MBNL2: variants seen among roughly 807,000 people sequenced by gnomAD.
MBNL2 encodes the protein muscleblind-like protein 2.
A neutral mutation model predicts 41.9 loss-of-function variants in MBNL2; 17 were observed. That is an observed-to-expected ratio of 0.41 (90% CI 0.28 to 0.61). MBNL2 has a LOEUF of 0.61. MBNL2 is among the 20% of genes least tolerant of loss of function. The pLI is 0.35. For synonymous variants in MBNL2, 195 were observed against 182.9 expected, an observed-to-expected ratio of 1.07 and a Z score of -0.53; for missense variants, 336 against 505.6, an observed-to-expected ratio of 0.66 and a Z score of 3.22.
At chr13:97,267,542 T>G (rs2050063292) in intron 1 of MBNL2, among the ~76,000 whole-genome samples, 1 of 152,144 alleles carries the variant, frequency 6.6e-6, no homozygotes, top group South Asian at 2.1e-4. Flanking sequence ...CTGGAGAGGA[T>G]GGGGCACTAC....
the MBNL2 span, among the ~76,000 whole-genome samples, chr13:97,180,247 G>C: frequency 2.6e-5 from 4 of 152,224 alleles, no homozygotes; most frequent in Admixed American, 2.0e-4. Context: ...GAAACTGATG[G>C]TGCCAGTCAC....
the MBNL2 span, among the ~76,000 whole-genome samples, chr13:97,209,300 C>A: frequency 6.4e-4 from 97 of 152,284 alleles, no homozygotes; most frequent in Non-Finnish European, 1.1e-3. Flanking sequence ...CTTTGCTCCA[C>A]TTTTAGGATT....
the MBNL2 span, among the ~76,000 whole-genome samples, chr13:97,207,522 T>C: frequency 2.6e-5 from 4 of 152,106 alleles, no homozygotes; most frequent in African/African-American, 9.7e-5. Context: ...AACCATCAGA[T>C]CTTGTGAGAC....
At chr13:97,177,339 T>A in the MBNL2 span, among the ~76,000 whole-genome samples, 1 of 151,930 alleles carries the variant, frequency 6.6e-6, no homozygotes, top group Non-Finnish European at 1.5e-5. Context: ...AGACTCTGTC[T>A]CCAAAGAAAA....
the MBNL2 span, among the ~76,000 whole-genome samples, chr13:97,167,977 T>A: frequency 2.6e-5 from 4 of 152,168 alleles, no homozygotes; most frequent in African/African-American, 7.2e-5. Flanking sequence ...ATATATATTT[T>A]TTTTTGAGAT....
At chr13:97,312,768 T>G (rs919770907) in intron 2 of MBNL2, among the ~76,000 whole-genome samples, 8 of 152,236 alleles carry the variant, frequency 5.3e-5, no homozygotes, top group African/African-American at 1.4e-4. Context: ...ATTGAAAAAT[T>G]TTCTCTGTGC....
intron 2 of MBNL2, among the ~76,000 whole-genome samples, chr13:97,302,766 C>A (rs1173226836): frequency 2.0e-5 from 3 of 152,072 alleles, no homozygotes; most frequent in Non-Finnish European, 4.4e-5. Flanking sequence ...ACTCTGTTGG[C>A]TCTGTGAATA....
intron 1 of MBNL2, among the ~76,000 whole-genome samples, chr13:97,241,455 C>T (rs1026257795): frequency 2.0e-5 from 3 of 152,154 alleles, no homozygotes; most frequent in East Asian, 1.9e-4. Flanking sequence ...TCTAAGTCTC[C>T]GTTTCAGCTT....
the MBNL2 span, among the ~76,000 whole-genome samples, chr13:97,191,558 CAT>C: frequency 6.6e-6 from 1 of 152,086 alleles, no homozygotes; most frequent in Admixed American, 6.5e-5. Flanking sequence ...CACAGAAACA[CAT>C]GTTATCCACG....
At position 97,392,254 on chromosome 13, in the gene MBNL2, CTCT is replaced by C. The variant is rs1212715798; in HGVS notation, c.*810_*812del. 2.0e-5 allele frequency: 3 copies of C among 152,566 alleles called. No homozygotes were observed. The highest frequency in any genetic ancestry group is 7.2e-5 in the African/African-American group (3 of 41,446). 9.5% of individuals were successfully genotyped at this position (152,566 alleles called of 1,614,324 possible). ...CATCCAGTTGCCTGTTACAGAATAA[CTCT>C]TCTTAACTAAAAACCTAGTCAAACA... On this transcript the variant is annotated 3_prime_UTR_variant, in exon 9 of 9. Coordinates refer to ENST00000679496, the MANE Select transcript of MBNL2 (RefSeq NM_001382683.1).
At chr13:97,374,062 C>CTTTTTTTTT (rs1594284568) in intron 8 of MBNL2, among the ~76,000 whole-genome samples, 30 of 53,362 alleles carry the variant, frequency 5.6e-4, no homozygotes, top group South Asian at 1.5e-3. Context: ...TCCTCCTTTG[C>CTTTTTTTTT]ATTTTTTTTT....
the MBNL2 span, among the ~76,000 whole-genome samples, chr13:97,188,214 A>G: frequency 1.3e-5 from 2 of 152,102 alleles, no homozygotes; most frequent in Non-Finnish European, 2.9e-5. Flanking sequence ...TGATCCCATC[A>G]CCACTCCAGA....
Position 97,374,063 on chromosome 13 carries a change from A to ATTTTT in MBNL2, c.1048+8917_1048+8921dup, listed in dbSNP as rs61185219. 4.5e-3 allele frequency among the ~76,000 whole-genome samples: 283 copies of ATTTTT among 63,098 alleles called. 30 individuals are homozygous for ATTTTT. The highest frequency in any genetic ancestry group is 0.012 in the African/African-American group (210 of 17,858). The allele number at this position is 63,098 out of a possible 152,430, so 41.4% of individuals were successfully genotyped here. On this transcript the variant is annotated intron_variant, in intron 8 of 8. Coordinates refer to ENST00000679496, the MANE Select transcript of MBNL2 (RefSeq NM_001382683.1). ...CACCTCAAATCCCATCCTCCTTTGCATTTTTTTTTTTTTTTTTTTTTTTTT... is the reference window on the plus strand; with the variant it reads ...CACCTCAAATCCCATCCTCCTTTGCATTTTTTTTTTTTTTTTTTTTTTTTTTTTTT...
chr13:97,228,376 A>T (rs2041937201), intron 1 of MBNL2, among the ~76,000 whole-genome samples: 1 of 152,178 alleles, frequency 6.6e-6, no homozygotes, highest in Admixed American at 6.5e-5. Flanking sequence ...CAGAAAAAAA[A>T]GCTCAAGGTG....
chr13:97,190,689 C>T, the MBNL2 span, among the ~76,000 whole-genome samples: 1 of 152,196 alleles, frequency 6.6e-6, no homozygotes, highest in Non-Finnish European at 1.5e-5. Flanking sequence ...GTCAAGGAGG[C>T]AGTGCCCATG....
chr13:97,180,236 A>G, the MBNL2 span, among the ~76,000 whole-genome samples: 1 of 152,138 alleles, frequency 6.6e-6, no homozygotes, highest in East Asian at 1.9e-4. Context: ...TGAACGTCTG[A>G]GAAACTGATG....
chr13:97,344,633 C>T (rs1276338842), intron 4 of MBNL2, among the ~76,000 whole-genome samples: 1 of 152,182 alleles, frequency 6.6e-6, no homozygotes, highest in African/African-American at 2.4e-5. Context: ...AGAATGGAAA[C>T]TCTAATTGTT....
At chr13:97,155,673 T>G in the MBNL2 span, among the ~76,000 whole-genome samples, 2 of 151,682 alleles carry the variant, frequency 1.3e-5, no homozygotes, top group Non-Finnish European at 2.9e-5. Context: ...TGCGATAGTT[T>G]ACTGAGAATG....
chr13:97,350,494 G>C (rs1264663063), intron 5 of MBNL2, among the ~76,000 whole-genome samples: 1 of 152,214 alleles, frequency 6.6e-6, no homozygotes, highest in Non-Finnish European at 1.5e-5. Flanking sequence ...TTATTTGATA[G>C]CATTTTGCTC....
Sources: gnomAD v4.1 joint callset for allele counts (sites outside exome capture counted in the v4.1 genomes callset) on GRCh38, gnomAD v4.1.1 for gene constraint, MANE v1.5 for transcripts, NCBI Gene and HGNC (gene_info 2026-07-23, HGNC 2026-07-21) for gene names.